The following ADGRL3 variants were observed in gnomAD, a reference collection of about 807,000 sequenced individuals.
ADGRL3 encodes the protein calcium-independent alpha-latrotoxin receptor 3.
Under a neutral mutation model 153.5 loss-of-function variants are expected in ADGRL3, and 62 were observed. The observed-to-expected ratio is 0.40, with a 90% confidence interval of 0.33 to 0.50. The LOEUF (loss-of-function observed/expected upper bound fraction) is 0.50, where lower values mean the gene tolerates loss of function less well. Among genes scored for constraint, ADGRL3 ranks in the 20% least tolerant of loss-of-function variants. The pLI is 0.47. For missense variants in ADGRL3, 1,641 were observed against 1,859.4 expected (o/e 0.88, Z 2.16); for synonymous variants, 710 against 672.5 (o/e 1.06, Z -0.86).
At chr4:61,847,184 T>A (rs1298176902) in intron 9 of ADGRL3, among the ~76,000 whole-genome samples, 2 of 152,024 alleles carry the variant, frequency 1.3e-5, no homozygotes, top group African/African-American at 4.8e-5. Context: ...TAGTTCATAT[T>A]AATAGCACTA....
intron 9 of ADGRL3, among the ~76,000 whole-genome samples, chr4:61,848,255 A>T (rs1188797573): frequency 6.7e-6 from 1 of 149,392 alleles, no homozygotes; most frequent in Non-Finnish European, 1.5e-5. Context: ...ACATCATTAC[A>T]AATTTATCCT....
At chr4:61,280,126 T>G (rs1303784178) in intron 1 of ADGRL3, among the ~76,000 whole-genome samples, 1 of 144,782 alleles carries the variant, frequency 6.9e-6, no homozygotes, top group Non-Finnish European at 1.5e-5. Context: ...TTTTTTTTTT[T>G]TGAGACCGAG....
In ADGRL3 at chr4:62,018,138, ATGG is replaced by A. The variant is rs768293099; in HGVS notation, c.3396-10716_3396-10714del. ...CGGAGGTCATAAAATATAACTAGTT[ATGG>A]ATGACACACTTTAACCTGGTAGGTG... On this transcript the variant is annotated intron_variant, in intron 21 of 26. Coordinates refer to ENST00000683033, the MANE Select transcript of ADGRL3 (RefSeq NM_001387552.1). Among the ~76,000 whole-genome samples the A allele has an allele frequency of 9.9e-5, 15 of 152,278 alleles. No individual in the cohort carries two copies. The East Asian group carries it at 2.9e-3, about 30-fold the overall frequency.
intron 8 of ADGRL3, among the ~76,000 whole-genome samples, chr4:61,754,409 G>C (rs2096794907): frequency 6.6e-6 from 1 of 151,838 alleles, no homozygotes; most frequent in Non-Finnish European, 1.5e-5. Flanking sequence ...TAGACAGCTT[G>C]AGAGAAAAAG....
chr4:61,272,141 A>G (rs1311607049), intron 1 of ADGRL3, among the ~76,000 whole-genome samples: 1 of 152,066 alleles, frequency 6.6e-6, no homozygotes, highest in Non-Finnish European at 1.5e-5. Context: ...CTTATAAGAC[A>G]CTAAAACATT....
At chr4:61,833,974 T>G (rs889338638) in intron 9 of ADGRL3, among the ~76,000 whole-genome samples, 5 of 151,626 alleles carry the variant, frequency 3.3e-5, no homozygotes, top group Admixed American at 6.6e-5. Context: ...TTTTTTTTTT[T>G]TTTATTGTAC....
At chr4:61,556,945 G>T (rs2098770017) in intron 4 of ADGRL3, among the ~76,000 whole-genome samples, 1 of 152,072 alleles carries the variant, frequency 6.6e-6, no homozygotes. Context: ...ACACTAATTT[G>T]TATTTTAGAC....
At chr4:61,679,635 T>C (rs1402774265) in intron 6 of ADGRL3, among the ~76,000 whole-genome samples, 1 of 152,092 alleles carries the variant, frequency 6.6e-6, no homozygotes, top group African/African-American at 2.4e-5. Flanking sequence ...CATAGGCTAT[T>C]TAATTTTTAC....
chr4:61,255,462 T>G (rs1369627303), intron 1 of ADGRL3, among the ~76,000 whole-genome samples: 1 of 152,202 alleles, frequency 6.6e-6, no homozygotes, highest in Non-Finnish European at 1.5e-5. Flanking sequence ...CAGTTGGACG[T>G]TATCTTCCAC....
At chr4:61,666,803 C>T (rs542519413) in intron 5 of ADGRL3, among the ~76,000 whole-genome samples, 14 of 152,018 alleles carry the variant, frequency 9.2e-5, no homozygotes, top group Non-Finnish European at 2.1e-4. Flanking sequence ...ATTTGGTTAA[C>T]CATACATACA....
intron 1 of ADGRL3, among the ~76,000 whole-genome samples, chr4:61,359,190 A>G (rs990335983): frequency 2.6e-5 from 4 of 152,204 alleles, no homozygotes; most frequent in Admixed American, 1.3e-4. Context: ...CTTTGCAACC[A>G]AACGACCCTC....
At chr4:61,897,478 G>A (rs956099999) in intron 11 of ADGRL3, among the ~76,000 whole-genome samples, 1 of 152,090 alleles carries the variant, frequency 6.6e-6, no homozygotes, top group African/African-American at 2.4e-5. Flanking sequence ...TTAAACCATG[G>A]ATAGCTTATG....
intron 1 of ADGRL3, among the ~76,000 whole-genome samples, chr4:61,217,665 G>GGTA (rs1231426183): frequency 6.6e-6 from 1 of 152,180 alleles, no homozygotes; most frequent in Non-Finnish European, 1.5e-5. Context: ...AGCAGGAATA[G>GGTA]GTAAGTTCTA....
intron 25 of ADGRL3, among the ~76,000 whole-genome samples, chr4:62,056,398 A>C (rs940148606): frequency 8.6e-5 from 13 of 151,918 alleles, no homozygotes; most frequent in Non-Finnish European, 1.8e-4. Flanking sequence ...TTCTTTGTAA[A>C]GAAAATAAAA....
At chr4:61,899,720 T>C (rs7695892) in intron 11 of ADGRL3, among the ~76,000 whole-genome samples, 75,885 of 151,916 alleles carry the variant, frequency 0.5, 19,149 homozygotes, top group African/African-American at 0.56. Flanking sequence ...GTATATTTAC[T>C]ATGGTTCTGG....
chr4:61,767,113 G>A (rs1241226147), intron 8 of ADGRL3, among the ~76,000 whole-genome samples: 1 of 151,956 alleles, frequency 6.6e-6, no homozygotes, highest in Admixed American at 6.6e-5. Context: ...TGGTCGCCAA[G>A]GAGGGAGTAG....
At chr4:61,555,128 C>T (rs2098759353) in intron 4 of ADGRL3, among the ~76,000 whole-genome samples, 1 of 152,060 alleles carries the variant, frequency 6.6e-6, no homozygotes, top group Admixed American at 6.6e-5. Flanking sequence ...AATTTATGCC[C>T]AGCTTTTAGG....
chr4:61,675,673 T>TTATTTATTTATC (rs1309876039), intron 5 of ADGRL3, among the ~76,000 whole-genome samples: 1 of 151,174 alleles, frequency 6.6e-6, no homozygotes, highest in South Asian at 2.1e-4. Context: ...ATTTATTTAT[T>TTATTTATTTATC]TTTGTGGGAA....
chr4:61,315,926 T>G (rs1176675638), intron 1 of ADGRL3, among the ~76,000 whole-genome samples: 1 of 152,190 alleles, frequency 6.6e-6, no homozygotes, highest in African/African-American at 2.4e-5. Flanking sequence ...ATACGTTCTC[T>G]TTCATACATT....
Sources: allele counts gnomAD v4.1 joint callset (sites outside exome capture counted in the v4.1 genomes callset), GRCh38; gene constraint gnomAD v4.1.1; transcripts MANE v1.5; gene names NCBI Gene and HGNC (gene_info 2026-07-23, HGNC 2026-07-21).